The following ABCA10 variants were observed in gnomAD, a reference collection of about 807,000 sequenced individuals.
ABCA10 encodes the protein ATP-binding cassette sub-family A member 10.
ABCA10 carries 169 observed loss-of-function variants against 187.5 expected under a neutral mutation model. That is an observed-to-expected ratio of 0.90 (90% CI 0.80 to 1.02). ABCA10 has a LOEUF of 1.02. Among genes scored for constraint, ABCA10 ranks in the 50% least tolerant of loss-of-function variants. The probability of loss-of-function intolerance (pLI) is 0.00; values close to 1 mark genes in which losing one functional copy is unlikely to be tolerated. For missense variants in ABCA10, 1,727 were observed against 1,812.4 expected, an observed-to-expected ratio of 0.95 and a Z score of 0.86; for synonymous variants, 574 against 601.8, an observed-to-expected ratio of 0.95 and a Z score of 0.68.
In ABCA10 at chr17:69,214,699, C is replaced by T; in HGVS notation, c.1006+5G>A. The T allele has an allele frequency of 6.7e-7, 1 of 1,482,846 alleles. No individual in the cohort carries two copies. Among genetic ancestry groups the T allele is most frequent in the South Asian group, 1.4e-5 (1 of 73,232 alleles). 91.9% of individuals were successfully genotyped at this position (1,482,846 alleles called of 1,614,324 possible). A position where few individuals can be genotyped will look rare whatever the true frequency, so the allele number is the denominator to read the frequency against. On this transcript the variant is annotated splice_donor_5th_base_variant and intron_variant, in intron 9 of 38. Transcript: ENST00000690296. ...AATTTAACTTTAACCACACTATTAA[C>T]TTACCAGGTAAAACTCGCTCAAAAT...
intron 37 of ABCA10, among the ~76,000 whole-genome samples, 195 bp downstream of exon 37, chr17:69,149,789 G>T (rs1318908050): frequency 2.0e-5 from 3 of 152,158 alleles, no homozygotes; most frequent in Non-Finnish European, 1.5e-5. Flanking sequence ...GTCAGCACAG[G>T]AAGAATCAGG....
At chr17:69,157,067 T>A (rs2074180193) in intron 27 of ABCA10, 144 bp from the exon 28 acceptor site, 2 of 486,524 alleles carry the variant, frequency 4.1e-6, no homozygotes, top group Non-Finnish European at 7.1e-6. Flanking sequence ...ACAAGCAACT[T>A]GTAAAATACT....
At chr17:69,211,351 A>ATATGTG (rs2074656462) in intron 9 of ABCA10, among the ~76,000 whole-genome samples, 4 of 19,552 alleles carry the variant, frequency 2.0e-4, no homozygotes, top group African/African-American at 3.5e-4. Flanking sequence ...ATATATATAT[A>ATATGTG]TATATATATA....
intron 27 of ABCA10, among the ~76,000 whole-genome samples, chr17:69,159,498 A>G (rs186124576): frequency 1.9e-4 from 29 of 152,296 alleles, no homozygotes; most frequent in African/African-American, 6.5e-4. Flanking sequence ...ATATCTAGAC[A>G]CATCAGAGTC....
chr17:69,226,886 G>A (rs1410224239), intron 2 of ABCA10, among the ~76,000 whole-genome samples: 2 of 151,682 alleles, frequency 1.3e-5, no homozygotes, highest in African/African-American at 2.4e-5. Context: ...GAAAATGGCT[G>A]GTTCTATTCT....
chr17:69,214,338 A>G (rs1459252665), intron 9 of ABCA10, among the ~76,000 whole-genome samples: 1 of 151,700 alleles, frequency 6.6e-6, no homozygotes, highest in Non-Finnish European at 1.5e-5. Context: ...AAACGGTGAA[A>G]CCCCGTCTCT....
At chr17:69,167,029 T>C (rs1374166714) in intron 25 of ABCA10, among the ~76,000 whole-genome samples, 1 of 152,238 alleles carries the variant, frequency 6.6e-6, no homozygotes, top group African/African-American at 2.4e-5. Context: ...GCCAGTCTTT[T>C]GGTTATACAA....
Position 69,221,874 on chromosome 17 carries a change from C to T in ABCA10, c.221G>A (p.Gly74Asp), listed in dbSNP as rs766905151. ...EYTEHCWAMH[G>D]EIFCYLAKYW... ...CTTTGCCAAGTAACAAAAAATTTCA[C>T]CATGCATGGCCCAACAGTGTTCTTT... Residue 74 changes from glycine to aspartate, a missense_variant, in exon 5 of 39, where the codon GGT becomes GAT. Physicochemically the swap from Gly to Asp is moderately conservative, Grantham distance 94 (BLOSUM62 -1). Coordinates refer to ENST00000690296, the MANE Select transcript of ABCA10 (RefSeq NM_001377321.1). The T allele has an allele frequency of 9.9e-6, 16 of 1,612,492 alleles. No homozygotes were observed. The Admixed American group carries it at 1.8e-4, about 19-fold the overall frequency.
rs904434814 is a variant in ABCA10 at position 69,154,142 on chromosome 17, T to C, written c.3786+93A>G. The C allele has an allele frequency of 8.4e-6, 12 of 1,436,938 alleles. No individual in the cohort carries two copies. In the African/African-American group the frequency reaches 1.0e-4, roughly 12 times the overall value. 89.0% of individuals were successfully genotyped at this position (1,436,938 alleles called of 1,614,324 possible). Reference sequence around the variant, plus strand: ...AAGAGAAATTTTATAAATTCTTTCATCTATTTTTTAAAAAGATATTTGATT... The same window carrying C: ...AAGAGAAATTTTATAAATTCTTTCACCTATTTTTTAAAAAGATATTTGATT... On this transcript the variant is annotated intron_variant, in intron 31 of 38. Transcript: ENST00000690296.
chr17:69,184,865 G>A (rs1024615391), intron 20 of ABCA10, among the ~76,000 whole-genome samples: 1,302 of 85,750 alleles, frequency 0.015, 10 homozygotes, highest in Non-Finnish European at 0.027. Context: ...GTGTGTGTGT[G>A]TGTGTGTATA....
upstream of ABCA10, among the ~76,000 whole-genome samples, chr17:69,230,146 T>G (rs148810931): frequency 3.1e-4 from 47 of 152,196 alleles, 1 homozygote; most frequent in East Asian, 9.1e-3. Context: ...CTCTGTCTCA[T>G]GCACATGCTT....
chr17:69,154,950 C>T, intron 30 of ABCA10, 69 bp downstream of exon 30: 2 of 1,136,696 alleles, frequency 1.8e-6, no homozygotes, highest in Non-Finnish European at 2.5e-6. Context: ...AAAATTTGTC[C>T]CCTTTGTAGT....
chr17:69,165,045 T>G lies in ABCA10; in HGVS notation c.3201A>C (p.Gln1067His). Residue 1067 changes from glutamine to histidine, a missense_variant, in exon 26 of 39, where the codon CAA (glutamine) becomes CAC (histidine). Physicochemically the swap from Gln to His is conservative, Grantham distance 24. Transcript: ENST00000690296. ...ACAAAATTAAGTTGAGTTTTTCATA[T>G]TGAGTTGATACCATAATTGTGGATA... ...ICVSTIMVST[Q>H]YEKLNLILCM... 1 of 1,593,148 alleles carries G rather than the reference T, an allele frequency of 6.3e-7. No individual in the cohort carries two copies. Among genetic ancestry groups the G allele is most frequent in the Non-Finnish European group, 8.6e-7 (1 of 1,161,220 alleles).
At chr17:69,182,632 C>CAA in intron 21 of ABCA10, 43 bp downstream of exon 21, 4 of 1,497,422 alleles carry the variant, frequency 2.7e-6, no homozygotes, top group Non-Finnish European at 2.7e-6. Context: ...GCAAAAAAAA[C>CAA]AAAAAAAAAC....
At chr17:69,202,551 T>C (rs898533094) in intron 9 of ABCA10, among the ~76,000 whole-genome samples, 8 of 152,146 alleles carry the variant, frequency 5.3e-5, no homozygotes, top group African/African-American at 1.9e-4. Flanking sequence ...GGAAATTTTT[T>C]TAATTCATTA....
At chr17:69,180,603 T>G (rs2074372615) in intron 22 of ABCA10, among the ~76,000 whole-genome samples, 2 of 152,172 alleles carry the variant, frequency 1.3e-5, no homozygotes, top group South Asian at 4.1e-4. Context: ...GATGAAATTA[T>G]ATTAGATCTC....
At chr17:69,157,084 G>A (rs1282930706) in intron 27 of ABCA10, among the ~76,000 whole-genome samples, 161 bp from the exon 28 acceptor site, 3 of 152,028 alleles carry the variant, frequency 2.0e-5, no homozygotes, top group Non-Finnish European at 4.4e-5. Flanking sequence ...TACTTCTCAT[G>A]TGGAAGAAAG....
chr17:69,193,699 G>C, intron 13 of ABCA10, 87 bp from the exon 14 acceptor site: 3 of 1,546,022 alleles, frequency 1.9e-6, no homozygotes, highest in East Asian at 2.3e-5. Flanking sequence ...ATTTAGTCTA[G>C]AACTTCGTTG....
chr17:69,205,441 A>C (rs1480278154), intron 9 of ABCA10, among the ~76,000 whole-genome samples: 4 of 152,250 alleles, frequency 2.6e-5, no homozygotes, highest in Admixed American at 6.5e-5. Context: ...GTGATGCATC[A>C]GTGTCATAAA....
Sources: allele counts gnomAD v4.1 joint callset (sites outside exome capture counted in the v4.1 genomes callset), GRCh38; gene constraint gnomAD v4.1.1; transcripts MANE v1.5; gene names NCBI Gene and HGNC (gene_info 2026-07-23, HGNC 2026-07-21).